The following NEO1 variants were observed in gnomAD, a reference collection of about 807,000 sequenced individuals.
The protein encoded by NEO1 is neogenin 1.
NEO1 carries 63 observed loss-of-function variants against 159.7 expected under a neutral mutation model. The observed-to-expected ratio is 0.39, with a 90% confidence interval of 0.32 to 0.49. The LOEUF (loss-of-function observed/expected upper bound fraction) is 0.49, where lower values mean the gene tolerates loss of function less well. NEO1 is among the 20% of genes least tolerant of loss of function. The pLI, the probability that NEO1 is intolerant of heterozygous loss-of-function variation, is 0.85. For synonymous variants in NEO1, 633 were observed against 662.0 expected (o/e 0.96, Z 0.67); for missense variants, 1,615 against 1,831.0 (o/e 0.88, Z 2.15).
intron 25 of NEO1, among the ~76,000 whole-genome samples, chr15:73,290,328 C>A (rs1297343671): frequency 6.7e-6 from 1 of 148,476 alleles, no homozygotes; most frequent in African/African-American, 2.5e-5. Context: ...GCAGCCTCCA[C>A]CTCCCGGGTT....
intron 7 of NEO1, among the ~76,000 whole-genome samples, chr15:73,183,446 C>A (rs2035735556): frequency 6.6e-6 from 1 of 152,110 alleles, no homozygotes; most frequent in Non-Finnish European, 1.5e-5. Flanking sequence ...AAGAGAAAAC[C>A]CTTTACTTCT....
At chr15:73,289,024 ATGTCT>A in intron 24 of NEO1, 117 bp from the exon 25 acceptor site, 1 of 695,448 alleles carries the variant, frequency 1.4e-6, no homozygotes, top group South Asian at 1.7e-5. Context: ...TCTTACAGAA[ATGTCT>A]TGTCCCCATT....
intron 1 of NEO1, among the ~76,000 whole-genome samples, chr15:73,064,866 T>C (rs1253566077): frequency 6.6e-6 from 1 of 152,126 alleles, no homozygotes. Flanking sequence ...GTCTATTTAA[T>C]GTAATAGTTC....
intron 5 of NEO1, among the ~76,000 whole-genome samples, chr15:73,164,020 T>TTTA (rs1555441527): frequency 2.2e-4 from 4 of 18,496 alleles, no homozygotes; most frequent in African/African-American, 3.6e-4. Flanking sequence ...CTTTTTCTTA[T>TTTA]TTTTTTTTTT....
intron 7 of NEO1, among the ~76,000 whole-genome samples, chr15:73,222,982 T>C (rs2038377218): frequency 1.3e-5 from 2 of 152,208 alleles, no homozygotes; most frequent in African/African-American, 4.8e-5. Flanking sequence ...TGTGTCATTA[T>C]TGTCATTCAG....
chr15:73,116,822 C>T lies in NEO1; in HGVS notation c.413C>T (p.Thr138Ile), dbSNP rs1183434907. Residue 138 changes from threonine (T) to isoleucine (I), a missense_variant, in exon 2 of 29, where the codon ACT becomes ATT. Physicochemically the swap from Thr to Ile is moderately conservative, Grantham distance 89. Around this residue, in one of 3 missense-constraint regions of NEO1, gnomAD observed 1,018 missense variants for 1,115.4 expected, o/e 0.91. Coordinates refer to ENST00000261908, the MANE Select transcript of NEO1 (RefSeq NM_002499.4). ...GTGGCCACTGTTGAGAGTCTTGGAA[C>T]TATTATCAGTAGAACAGCGAAGCTC... ...QCVATVESLG[T>I]IISRTAKLIV... 4 of 1,601,278 alleles carry T rather than the reference C, an allele frequency of 2.5e-6. No homozygotes were observed. The highest frequency in any genetic ancestry group is 2.3e-5 in the South Asian group (2 of 88,586).
chr15:73,102,652 T>G lies in NEO1; in HGVS notation c.131-13888T>G, dbSNP rs150767443. 2.3e-3 allele frequency among the ~76,000 whole-genome samples: 354 copies of G among 152,338 alleles called. 1 individual carries two copies. Among genetic ancestry groups the G allele is most frequent in the African/African-American group, 8.1e-3 (338 of 41,586 alleles). Reference sequence around the variant, plus strand: ...TTCCTTTGGCTTTTGGGATGCCCTGTTCTCTTGTCCTCTGACCTCTGTGGC... The same window carrying G: ...TTCCTTTGGCTTTTGGGATGCCCTGGTCTCTTGTCCTCTGACCTCTGTGGC... On this transcript the variant is annotated intron_variant, in intron 1 of 28. Coordinates refer to ENST00000261908, the MANE Select transcript of NEO1 (RefSeq NM_002499.4).
chr15:73,301,183 G>A, intron 27 of NEO1, 138 bp from the exon 28 acceptor site: 1 of 1,093,144 alleles, frequency 9.1e-7, no homozygotes. Flanking sequence ...TCTTATTCCA[G>A]TAACTTTTCA....
At chr15:73,245,584 T>C in intron 9 of NEO1, among the ~76,000 whole-genome samples, 1 of 151,852 alleles carries the variant, frequency 6.6e-6, no homozygotes, top group East Asian at 1.9e-4. Context: ...TATTCTTTTT[T>C]TTTTTTTTGA....
chr15:73,076,631 T>C (rs2068780547), intron 1 of NEO1, among the ~76,000 whole-genome samples: 1 of 152,190 alleles, frequency 6.6e-6, no homozygotes, highest in Non-Finnish European at 1.5e-5. Flanking sequence ...AACTTCATTC[T>C]AAGTTTGTAT....
intron 1 of NEO1, among the ~76,000 whole-genome samples, chr15:73,092,985 A>G (rs1049057644): frequency 6.6e-6 from 1 of 152,050 alleles, no homozygotes; most frequent in Admixed American, 6.6e-5. Context: ...ATTACATTTA[A>G]TTGTTATGTC....
At chr15:73,276,207 G>T (rs759645974) in intron 21 of NEO1, among the ~76,000 whole-genome samples, 1 of 152,078 alleles carries the variant, frequency 6.6e-6, no homozygotes, top group South Asian at 2.1e-4. Context: ...TGATATTTTT[G>T]GTGCTCAGTT....
intron 25 of NEO1, among the ~76,000 whole-genome samples, chr15:73,290,508 C>CA (rs2042124706): frequency 1.0e-5 from 1 of 100,098 alleles, no homozygotes; most frequent in Non-Finnish European, 1.9e-5. Context: ...GCTGGGATTA[C>CA]AGGCCTGAGC....
At chr15:73,192,321 T>C (rs2036278381) in intron 7 of NEO1, among the ~76,000 whole-genome samples, 1 of 152,044 alleles carries the variant, frequency 6.6e-6, no homozygotes, top group African/African-American at 2.4e-5. Flanking sequence ...TCTGTGACTT[T>C]TGAAAACAGT....
rs749555002 is a variant in NEO1 at position 73,116,676 on chromosome 15, T to C, written c.267T>C (p.Asp89=). 8 of 1,613,842 alleles carry C rather than the reference T, an allele frequency of 5.0e-6. No individual in the cohort carries two copies. Among genetic ancestry groups the C allele is most frequent in the South Asian group, 4.4e-5 (4 of 91,074 alleles). ...EPSPKIEWKK[D]GTFLNLVSDD... ...CTCCAAAAATTGAATGGAAAAAAGA[T>C]GGAACTTTTTTAAACTTAGTATCAG... The change falls in exon 2 of 29, where the codon GAT becomes GAC. Residue 89 remains aspartate (D), a synonymous_variant. Coordinates refer to ENST00000261908, the MANE Select transcript of NEO1 (RefSeq NM_002499.4).
chr15:73,183,635 G>T (rs2035746705), intron 7 of NEO1, among the ~76,000 whole-genome samples: 1 of 152,134 alleles, frequency 6.6e-6, no homozygotes. Context: ...GGCTGGACCA[G>T]AACAATGGAG....
In NEO1 at chr15:73,222,448, C is replaced by G. The variant is rs149508318; in HGVS notation, c.1292-13899C>G. ...TTCAATCTCGCTGCTTGTTATTGAT[C>G]TATTTAGAGTATCTAATTCCTGATT... On this transcript the variant is annotated intron_variant, in intron 7 of 28. Coordinates refer to ENST00000261908, the MANE Select transcript of NEO1 (RefSeq NM_002499.4). Among the ~76,000 whole-genome samples the G allele has an allele frequency of 1.1e-4, 17 of 152,018 alleles. No homozygotes were observed. The East Asian group carries it at 3.3e-3, about 30-fold the overall frequency.
chr15:73,238,350 T>G (rs550750075), intron 8 of NEO1, among the ~76,000 whole-genome samples: 1,898 of 149,406 alleles, frequency 0.013, 16 homozygotes, highest in Middle Eastern at 0.017. Flanking sequence ...GCTTATTTAT[T>G]CTGTCTGTCT....
In NEO1 at chr15:73,052,533, C is replaced by T. The variant is rs1205631028; in HGVS notation, c.-143C>T. On this transcript the variant is annotated 5_prime_UTR_variant, in exon 1 of 29. Transcript: ENST00000261908. ...CTCCAGCGAGAGGGGCTGCGCGGGC[C>T]GGGCCGGGCCGGGCTGGGCTGGAGC... is the stretch of plus-strand genomic sequence containing the variant. 3.2e-6 allele frequency: 1 copy of T among 316,156 alleles called. No individual in the cohort carries two copies. The highest frequency in any genetic ancestry group is 5.2e-6 in the Non-Finnish European group (1 of 193,728). 19.6% of individuals were successfully genotyped at this position (316,156 alleles called of 1,614,324 possible). A position where few individuals can be genotyped will look rare whatever the true frequency, so the allele number is the denominator to read the frequency against.
Sources: allele counts gnomAD v4.1 joint callset (sites outside exome capture counted in the v4.1 genomes callset), GRCh38; gene constraint gnomAD v4.1.1; regional missense constraint gnomAD v4.1.1; transcripts MANE v1.5; gene names NCBI Gene and HGNC (gene_info 2026-07-23, HGNC 2026-07-21).